The following MYO1D variants were observed in gnomAD, a reference collection of about 807,000 sequenced individuals.
MYO1D encodes myosin ID.
MYO1D carries 83 observed loss-of-function variants against 122.0 expected under a neutral mutation model. That is an observed-to-expected ratio of 0.68 (90% CI 0.57 to 0.82). The LOEUF (loss-of-function observed/expected upper bound fraction) is 0.82. MYO1D is among the 40% of genes least tolerant of loss of function. MYO1D has a pLI of 0.00. For synonymous variants in MYO1D, 464 were observed against 446.9 expected, an observed-to-expected ratio of 1.04 and a Z score of -0.48; for missense variants, 1,157 against 1,269.5, an observed-to-expected ratio of 0.91 and a Z score of 1.35.
At chr17:32,801,187 TAAAC>T (rs1432740739) in intron 1 of MYO1D, among the ~76,000 whole-genome samples, 2 of 152,210 alleles carry the variant, frequency 1.3e-5, no homozygotes, top group Non-Finnish European at 2.9e-5. Context: ...AATCTTTACT[TAAAC>T]AAGTCTTACA....
chr17:32,581,289 AT>A (rs1432272250), intron 21 of MYO1D, among the ~76,000 whole-genome samples: 1 of 151,644 alleles, frequency 6.6e-6, no homozygotes, highest in African/African-American at 2.4e-5. Context: ...TTGATGTCAC[AT>A]TTTTCATGTT....
chr17:32,794,933 A>T (rs574420202), intron 1 of MYO1D, among the ~76,000 whole-genome samples: 41 of 152,228 alleles, frequency 2.7e-4, no homozygotes, highest in African/African-American at 8.9e-4. Flanking sequence ...GGAAGGAATG[A>T]CGGGTTCTCT....
At position 32,589,360 on chromosome 17, in the gene MYO1D, T is replaced by C. The variant is rs1211875035; in HGVS notation, c.2864+15727A>G. On this transcript the variant is annotated intron_variant, in intron 21 of 21. Coordinates refer to ENST00000318217, the MANE Select transcript of MYO1D (RefSeq NM_015194.3). ...CTCCCAAATGTTTTGCCTTCATGCA[T>C]AGAAGAGGCAATGAATTATAAGTCT... 3.3e-5 allele frequency among the ~76,000 whole-genome samples: 5 copies of C among 152,226 alleles called. 1 individual carries two copies. Among genetic ancestry groups the C allele is most frequent in the Admixed American group, 2.0e-4 (3 of 15,290 alleles).
chr17:32,791,363 C>CAAAA (rs60741553), intron 1 of MYO1D, among the ~76,000 whole-genome samples: 30 of 49,480 alleles, frequency 6.1e-4, no homozygotes, highest in African/African-American at 1.6e-3. Flanking sequence ...GACTCCGTCT[C>CAAAA]AAAAAAAAAA....
At chr17:32,854,537 G>A (rs1423107438) in intron 1 of MYO1D, among the ~76,000 whole-genome samples, 1 of 152,216 alleles carries the variant, frequency 6.6e-6, no homozygotes, top group African/African-American at 2.4e-5. Flanking sequence ...AATAATTCTT[G>A]CTTCACTTTG....
chr17:32,538,068 T>G (rs1910714697), intron 21 of MYO1D, among the ~76,000 whole-genome samples: 1 of 152,182 alleles, frequency 6.6e-6, no homozygotes, highest in Non-Finnish European at 1.5e-5. Context: ...GGGAAGCTCC[T>G]TACTCTTCAT....
At chr17:32,666,998 G>C (rs1330446184) in intron 16 of MYO1D, among the ~76,000 whole-genome samples, 1 of 152,222 alleles carries the variant, frequency 6.6e-6, no homozygotes, top group East Asian at 1.9e-4. Context: ...AACTTTGAGA[G>C]TCCACATTGA....
At chr17:32,815,392 T>C (rs942201927) in intron 1 of MYO1D, among the ~76,000 whole-genome samples, 1 of 152,292 alleles carries the variant, frequency 6.6e-6, no homozygotes, top group Admixed American at 6.5e-5. Context: ...CCAAAAATAT[T>C]GTGGTAGAAG....
intron 14 of MYO1D, among the ~76,000 whole-genome samples, chr17:32,736,657 G>A (rs7215628): frequency 0.54 from 82,262 of 152,070 alleles, 23,317 homozygotes; most frequent in East Asian, 0.73. Flanking sequence ...AGAAGGTTCT[G>A]GAATTTTTAT....
intron 1 of MYO1D, among the ~76,000 whole-genome samples, chr17:32,788,809 G>A (rs530109151): frequency 1.1e-4 from 17 of 152,126 alleles, no homozygotes; most frequent in African/African-American, 4.1e-4. Flanking sequence ...TATTTTGATA[G>A]GAATTGCATT....
At chr17:32,635,535 C>CA (rs1477412049) in intron 20 of MYO1D, among the ~76,000 whole-genome samples, 3 of 151,902 alleles carry the variant, frequency 2.0e-5, no homozygotes, top group East Asian at 1.9e-4. Context: ...ACTAAAAATA[C>CA]AAAAAAAATT....
At chr17:32,648,188 T>A (rs947029693) in intron 19 of MYO1D, among the ~76,000 whole-genome samples, 9 of 152,128 alleles carry the variant, frequency 5.9e-5, no homozygotes, top group African/African-American at 1.9e-4. Flanking sequence ...CACCCTAGCC[T>A]GGGTGACAGA....
chr17:32,685,562 A>G (rs190475499), intron 16 of MYO1D, among the ~76,000 whole-genome samples: 1 of 152,272 alleles, frequency 6.6e-6, no homozygotes, highest in Admixed American at 6.5e-5. Context: ...TGGAGTTTCC[A>G]TGTCTGTAGA....
At chr17:32,515,782 G>A (rs547208437) in intron 21 of MYO1D, among the ~76,000 whole-genome samples, 9 of 152,294 alleles carry the variant, frequency 5.9e-5, no homozygotes, top group African/African-American at 2.2e-4. Flanking sequence ...ATTCAAAGAA[G>A]TTAAAACAGA....
intron 1 of MYO1D, among the ~76,000 whole-genome samples, chr17:32,799,710 C>G (rs1019957277): frequency 3.3e-5 from 5 of 149,348 alleles, no homozygotes; most frequent in Non-Finnish European, 5.9e-5. Context: ...TTGCATCAAA[C>G]TAAAAAGTTC....
intron 14 of MYO1D, among the ~76,000 whole-genome samples, chr17:32,728,739 T>C (rs2089604134): frequency 6.6e-6 from 1 of 152,220 alleles, no homozygotes; most frequent in African/African-American, 2.4e-5. Context: ...TATTTTGGAC[T>C]GAATAATGTA....
intron 1 of MYO1D, among the ~76,000 whole-genome samples, chr17:32,832,444 C>T (rs979705157): frequency 1.3e-5 from 2 of 151,972 alleles, no homozygotes; most frequent in Non-Finnish European, 2.9e-5. Context: ...GGACTACAGG[C>T]GCCCGCCACC....
chr17:32,722,815 A>G (rs1246629989), intron 14 of MYO1D, among the ~76,000 whole-genome samples: 1 of 152,106 alleles, frequency 6.6e-6, no homozygotes, highest in Non-Finnish European at 1.5e-5. Flanking sequence ...AAAACTTATG[A>G]AATTTCTTCA....
At chr17:32,603,408 T>G (rs1279968466) in intron 21 of MYO1D, among the ~76,000 whole-genome samples, 2 of 152,170 alleles carry the variant, frequency 1.3e-5, no homozygotes, top group African/African-American at 4.8e-5. Context: ...TTAAAATTCC[T>G]TTAATTTTCT....
Sources: gnomAD v4.1 joint callset for allele counts (sites outside exome capture counted in the v4.1 genomes callset) on GRCh38, gnomAD v4.1.1 for gene constraint, MANE v1.5 for transcripts, NCBI Gene and HGNC (gene_info 2026-07-23, HGNC 2026-07-21) for gene names.